PATJ: variants seen among roughly 807,000 people sequenced by gnomAD.
PATJ encodes PATJ crumbs cell polarity complex component.
In PATJ, 190 loss-of-function variants were observed where a neutral mutation model predicts 224.9. That is an observed-to-expected ratio of 0.84 (90% confidence interval 0.75 to 0.95). The LOEUF is 0.95. Among genes scored for constraint, PATJ ranks in the 40% least tolerant of loss-of-function variants. PATJ has a pLI of 0.00. For synonymous variants in PATJ, 769 were observed against 820.3 expected, an observed-to-expected ratio of 0.94 and a Z score of 1.07; for missense variants, 2,121 against 2,270.3, an observed-to-expected ratio of 0.93 and a Z score of 1.34.
At chr1:62,052,842 C>G (rs1318559404) in intron 31 of PATJ, among the ~76,000 whole-genome samples, 1 of 152,056 alleles carries the variant, frequency 6.6e-6, no homozygotes, top group South Asian at 2.1e-4. Context: ...AAATGAGGAA[C>G]AGCAACAAAT....
intron 31 of PATJ, among the ~76,000 whole-genome samples, chr1:62,077,550 C>T (rs369512268): frequency 4.0e-4 from 61 of 151,736 alleles, no homozygotes; most frequent in African/African-American, 1.4e-3. Flanking sequence ...ATTAGCCAGG[C>T]GTGGTGGTGT....
At chr1:61,784,728 C>T (rs1325970351) in intron 7 of PATJ, among the ~76,000 whole-genome samples, 1 of 152,092 alleles carries the variant, frequency 6.6e-6, no homozygotes, top group Non-Finnish European at 1.5e-5. Flanking sequence ...GCAACTTTAC[C>T]CTTATTTTTC....
chr1:61,768,494 A>AATAAATAAATAAATAAATAAATAG (rs1180226104), intron 4 of PATJ, among the ~76,000 whole-genome samples: 3 of 151,888 alleles, frequency 2.0e-5, no homozygotes, highest in Admixed American at 1.3e-4. Flanking sequence ...TAAATAAATA[A>AATAAATAAATAAATAAATAAATAG]ATAGATATCA....
At chr1:61,784,533 A>G (rs1218080349) in intron 7 of PATJ, among the ~76,000 whole-genome samples, 1 of 152,234 alleles carries the variant, frequency 6.6e-6, no homozygotes, top group Non-Finnish European at 1.5e-5. Context: ...TATCGACATC[A>G]TTTTAAATTA....
chr1:61,894,969 G>T (rs1670156340), intron 22 of PATJ, among the ~76,000 whole-genome samples: 1 of 152,130 alleles, frequency 6.6e-6, no homozygotes, highest in East Asian at 1.9e-4. Context: ...TTGGGAAGTG[G>T]AGCAAAGGTC....
At chr1:62,145,541 G>A (rs943456002) in intron 41 of PATJ, among the ~76,000 whole-genome samples, 1 of 152,106 alleles carries the variant, frequency 6.6e-6, no homozygotes, top group Non-Finnish European at 1.5e-5. Flanking sequence ...CATGCCGGTA[G>A]TCCCAGCTAC....
chr1:61,897,127 T>C (rs1670488844), intron 22 of PATJ, among the ~76,000 whole-genome samples: 2 of 152,108 alleles, frequency 1.3e-5, no homozygotes, highest in Non-Finnish European at 2.9e-5. Context: ...TGAAAAAAAT[T>C]ATAGAGGAAA....
intron 43 of PATJ, among the ~76,000 whole-genome samples, chr1:62,155,647 C>T (rs960113806): frequency 1.2e-4 from 18 of 146,932 alleles, no homozygotes; most frequent in African/African-American, 2.5e-5. Flanking sequence ...TCATGTATTT[C>T]GTTACTTACA....
chr1:61,810,564 G>A (rs1654507878), intron 14 of PATJ, among the ~76,000 whole-genome samples: 1 of 152,018 alleles, frequency 6.6e-6, no homozygotes, highest in Non-Finnish European at 1.5e-5. Flanking sequence ...GGGCATGGTG[G>A]CATGCACCTG....
chr1:61,968,477 G>A (rs114338924), intron 27 of PATJ, among the ~76,000 whole-genome samples: 2,275 of 152,242 alleles, frequency 0.015, 63 homozygotes, highest in African/African-American at 0.052. Flanking sequence ...GTACAGTTTA[G>A]TAGTGTTAAA....
chr1:61,885,040 A>G (rs535271774), intron 22 of PATJ, among the ~76,000 whole-genome samples: 2 of 152,324 alleles, frequency 1.3e-5, no homozygotes, highest in Non-Finnish European at 2.9e-5. Context: ...AAACTCTTGG[A>G]TTTGAATGGT....
At chr1:61,937,064 T>G (rs984542180) in intron 27 of PATJ, among the ~76,000 whole-genome samples, 1 of 152,138 alleles carries the variant, frequency 6.6e-6, no homozygotes, top group African/African-American at 2.4e-5. Flanking sequence ...ATGAAAGCTA[T>G]AAACCTACTC....
At chr1:62,100,089 C>T (rs1661960110) in intron 33 of PATJ, among the ~76,000 whole-genome samples, 1 of 150,978 alleles carries the variant, frequency 6.6e-6, no homozygotes, top group Non-Finnish European at 1.5e-5. Context: ...TTGTGGGGCT[C>T]AGTGATAATT....
At chr1:61,977,252 T>C (rs1186962616) in intron 27 of PATJ, among the ~76,000 whole-genome samples, 2 of 151,944 alleles carry the variant, frequency 1.3e-5, no homozygotes, top group Non-Finnish European at 2.9e-5. Flanking sequence ...CACACCCAGC[T>C]AATTTTTTTG....
chr1:62,058,801 A>G (rs1426468941), intron 31 of PATJ, among the ~76,000 whole-genome samples: 1 of 152,196 alleles, frequency 6.6e-6, no homozygotes, highest in East Asian at 1.9e-4. Context: ...AAGATAAGTA[A>G]GACCGCTTTC....
intron 30 of PATJ, among the ~76,000 whole-genome samples, chr1:62,046,954 A>G (rs1283731553): frequency 6.6e-6 from 1 of 152,206 alleles, no homozygotes; most frequent in East Asian, 1.9e-4. Context: ...TTACAGGTTG[A>G]CGCATCCCTT....
intron 28 of PATJ, chr1:61,991,774 A>G (rs1645078236): frequency 2.0e-6 from 2 of 976,736 alleles, no homozygotes; most frequent in Non-Finnish European, 1.2e-6. Context: ...TATGTAACCA[A>G]TATTATTCAT....
intron 33 of PATJ, among the ~76,000 whole-genome samples, chr1:62,103,033 T>G (rs535411332): frequency 6.6e-6 from 1 of 152,244 alleles, no homozygotes; most frequent in African/African-American, 2.4e-5. Context: ...AGGCTTCAAC[T>G]TCTGCTTCCA....
chr1:62,073,400 A>G (rs763401626), intron 31 of PATJ: 49 of 830,374 alleles, frequency 5.9e-5, no homozygotes, highest in Non-Finnish European at 7.1e-5. Flanking sequence ...AGGCAGGCAG[A>G]TTGCTTGAGG....
Sources: gnomAD v4.1 joint callset for allele counts (sites outside exome capture counted in the v4.1 genomes callset) on GRCh38, gnomAD v4.1.1 for gene constraint, MANE v1.5 for transcripts, NCBI Gene and HGNC (gene_info 2026-07-23, HGNC 2026-07-21) for gene names.